PCDHGB1: variants seen among roughly 807,000 people sequenced by gnomAD.
The protein encoded by PCDHGB1 is protocadherin gamma subfamily B, 1, also known as protocadherin gamma-B1.
A neutral mutation model predicts 56.6 loss-of-function variants in PCDHGB1; 34 were observed. The ratio of observed to expected loss-of-function variants is 0.60; its 90% CI spans 0.46 to 0.80. The LOEUF (loss-of-function observed/expected upper bound fraction) is 0.80, where lower values mean the gene tolerates loss of function less well. Among genes scored for constraint, PCDHGB1 ranks in the 30% least tolerant of loss-of-function variants. The probability of loss-of-function intolerance (pLI) is 0.00; values close to 1 mark genes in which losing one functional copy is unlikely to be tolerated. For missense variants in PCDHGB1, 1,278 were observed against 1,204.6 expected (o/e 1.06, Z -0.90); for synonymous variants, 561 against 505.9 (o/e 1.11, Z -1.46).
At chr5:141,384,070 C>A (rs762136393) in intron 1 of PCDHGB1, 2 of 1,603,864 alleles carry the variant, frequency 1.2e-6, no homozygotes, top group Admixed American at 3.4e-5. Context: ...AGAAAACCTA[C>A]CTTTTAAATT....
intron 1 of PCDHGB1, among the ~76,000 whole-genome samples, chr5:141,405,886 CCAACACTGAAAGGAGG>C (rs1168478788): frequency 1.3e-5 from 2 of 152,086 alleles, no homozygotes; most frequent in African/African-American, 4.8e-5. Context: ...AATTGTTGCT[CCAACACTGAAAGGAGG>C]CATTTATTAG....
chr5:141,436,035 A>G (rs957896521), intron 1 of PCDHGB1, among the ~76,000 whole-genome samples: 3 of 152,178 alleles, frequency 2.0e-5, no homozygotes, highest in Non-Finnish European at 4.4e-5. Flanking sequence ...CTAAATTTGT[A>G]TTTACATTAG....
intron 1 of PCDHGB1, chr5:141,355,799 TA>T (rs1759984627): frequency 6.2e-7 from 1 of 1,613,448 alleles, no homozygotes; most frequent in African/African-American, 1.3e-5. Context: ...GAACGCGCTC[TA>T]GATCGCGAGG....
At chr5:141,370,922 G>A (rs563952977) in intron 1 of PCDHGB1, 14 of 1,613,978 alleles carry the variant, frequency 8.7e-6, no homozygotes, top group South Asian at 5.5e-5. Flanking sequence ...GCCCTGATCC[G>A]CACTTCTCTT....
At chr5:141,425,021 CT>C (rs1561817318) in intron 1 of PCDHGB1, among the ~76,000 whole-genome samples, 1 of 152,054 alleles carries the variant, frequency 6.6e-6, no homozygotes, top group Non-Finnish European at 1.5e-5. Context: ...AGGAATTTAC[CT>C]TATGTCATTA....
At position 141,414,317 on chromosome 5, in the gene PCDHGB1, AG is replaced by A. The variant is rs757847465; in HGVS notation, c.2409+61649del. On this transcript the variant is annotated intron_variant, in intron 1 of 3. Transcript: ENST00000523390. The stretch of plus-strand genomic sequence containing the variant: ...TTAAATGTGCATGATTTAGACTCTG[AG>A]CAGAATGGACAGGTAACCTGTTCCA... The A allele has an allele frequency of 1.9e-6, 3 of 1,613,828 alleles. No individual in the cohort carries two copies. In the South Asian group the frequency reaches 3.3e-5, roughly 18 times the overall value.
chr5:141,354,119 G>A (rs1369959038), intron 1 of PCDHGB1, among the ~76,000 whole-genome samples: 2 of 152,220 alleles, frequency 1.3e-5, no homozygotes, highest in African/African-American at 4.8e-5. Context: ...CTAAAGTAAA[G>A]TTAGAAATTG....
chr5:141,462,792 G>C (rs2099046915), intron 1 of PCDHGB1, among the ~76,000 whole-genome samples: 1 of 152,080 alleles, frequency 6.6e-6, no homozygotes, highest in Admixed American at 6.6e-5. Flanking sequence ...TTGCTTATTT[G>C]CATGTCTAAT....
chr5:141,394,208 C>A (rs972602841), intron 1 of PCDHGB1: 6 of 1,613,930 alleles, frequency 3.7e-6, no homozygotes, highest in Non-Finnish European at 5.1e-6. Context: ...TAGAGAACAA[C>A]CTGAGAGGAG....
Position 141,433,012 on chromosome 5 carries a change from G to C in PCDHGB1, c.2410-61795G>C. 1 of 1,614,172 alleles carries C rather than the reference G, an allele frequency of 6.2e-7. No homozygotes were observed. Among genetic ancestry groups the C allele is most frequent in the South Asian group, 1.1e-5 (1 of 91,080 alleles). The stretch of plus-strand genomic sequence containing the variant: ...TGGACGGGGTGCAGGCTTTCCTGCA[G>C]ACCTATTCCCACGAGGTTTCCCTCA... On this transcript the variant is annotated intron_variant, in intron 1 of 3. Coordinates refer to ENST00000523390, the MANE Select transcript of PCDHGB1 (RefSeq NM_018922.3).
intron 1 of PCDHGB1, chr5:141,415,721 G>A (rs1201366552): frequency 3.0e-6 from 2 of 675,878 alleles, no homozygotes; most frequent in Admixed American, 7.4e-5. Context: ...CTGATGAGTA[G>A]AATTTGATGT....
Position 141,432,480 on chromosome 5 carries a change from G to T in PCDHGB1, c.2410-62327G>T, listed in dbSNP as rs775075732. On this transcript the variant is annotated intron_variant, in intron 1 of 3. Transcript: ENST00000523390. This position sits in a 1 kb window ranked among gnomAD's most constrained non-coding sequence, Gnocchi z 6.0. ...GCCCTCCCCACGGACGGTTCCACTG[G>T]CGTGGAGCTGGCTCCCCGCTCCGCA... The T allele has an allele frequency of 1.9e-6, 3 of 1,614,180 alleles. No individual in the cohort carries two copies. The highest frequency in any genetic ancestry group is 2.2e-5 in the South Asian group (2 of 91,078).
chr5:141,374,534 C>G lies in PCDHGB1; in HGVS notation c.2409+21865C>G, dbSNP rs868822562. The G allele has an allele frequency of 3.7e-6, 6 of 1,613,096 alleles. No homozygotes were observed. Among genetic ancestry groups the G allele is most frequent in the Admixed American group, 3.3e-5 (2 of 60,024 alleles). On this transcript the variant is annotated intron_variant, in intron 1 of 3. Transcript: ENST00000523390. ...TCTCGAAAACGCAGCTCCATCCTCT[C>G]GTTTTCCACTAATGGAGGTCTATGA...
intron 1 of PCDHGB1, among the ~76,000 whole-genome samples, chr5:141,425,919 GA>G (rs2096903434): frequency 6.6e-6 from 1 of 152,056 alleles, no homozygotes; most frequent in African/African-American, 2.4e-5. Flanking sequence ...CAGTCACTAC[GA>G]AAACTCATAA....
At chr5:141,394,658 A>G (rs755560495) in intron 1 of PCDHGB1, 1 of 1,610,022 alleles carries the variant, frequency 6.2e-7, no homozygotes, top group South Asian at 1.1e-5. Flanking sequence ...GCGAGCCGGG[A>G]CTCTTCTCGG....
At chr5:141,410,776 A>G (rs2095422946) in intron 1 of PCDHGB1, 7 of 919,622 alleles carry the variant, frequency 7.6e-6, no homozygotes, top group South Asian at 4.0e-5. Context: ...AGTTTTCACT[A>G]TGTATTTGGT....
intron 1 of PCDHGB1, chr5:141,355,764 G>T: frequency 1.2e-6 from 2 of 1,613,968 alleles, no homozygotes; most frequent in Non-Finnish European, 8.5e-7. Flanking sequence ...GGGCCGATGG[G>T]ATTAAGTACC....
At chr5:141,389,832 C>A in intron 1 of PCDHGB1, 3 of 1,613,966 alleles carry the variant, frequency 1.9e-6, no homozygotes, top group Non-Finnish European at 2.5e-6. Flanking sequence ...CGGTGGACAG[C>A]CACCACTCTC....
In PCDHGB1 at chr5:141,371,464, A is replaced by G. The variant is rs756446984; in HGVS notation, c.2409+18795A>G. The G allele has an allele frequency of 3.7e-6, 6 of 1,613,830 alleles. No individual in the cohort carries two copies. Among genetic ancestry groups the G allele is most frequent in the Non-Finnish European group, 5.1e-6 (6 of 1,179,870 alleles). ...CTGGCTTCTGAATCCCAACATATAC[A>G]AGAAGATGCTGAGCTGGGGACTGCC... is the stretch of plus-strand genomic sequence containing the variant. On this transcript the variant is annotated intron_variant, in intron 1 of 3. Coordinates refer to ENST00000523390, the MANE Select transcript of PCDHGB1 (RefSeq NM_018922.3).
Sources: gnomAD v4.1 joint callset for allele counts (sites outside exome capture counted in the v4.1 genomes callset) on GRCh38, gnomAD v4.1.1 for gene constraint, Gnocchi (gnomAD v3.1) non-coding constraint, MANE v1.5 for transcripts, NCBI Gene and HGNC (gene_info 2026-07-23, HGNC 2026-07-21) for gene names.